CLVS2: variants seen among roughly 807,000 people sequenced by gnomAD.
The protein encoded by CLVS2 is clavesin-2.
In CLVS2, 19 loss-of-function variants were observed where a neutral mutation model predicts 29.0. That is an observed-to-expected ratio of 0.66 (90% CI 0.46 to 0.96). CLVS2 has a LOEUF of 0.96. CLVS2 is among the 40% of genes least tolerant of loss of function. The probability of loss-of-function intolerance (pLI) is 0.00; values close to 1 mark genes in which losing one functional copy is unlikely to be tolerated. For synonymous variants in CLVS2, 161 were observed against 151.3 expected (o/e 1.06, Z -0.47); for missense variants, 294 against 404.1 (o/e 0.73, Z 2.34).
intron 4 of CLVS2, among the ~76,000 whole-genome samples, chr6:123,052,380 T>C (rs1349566164): frequency 6.6e-6 from 1 of 152,148 alleles, no homozygotes; most frequent in East Asian, 1.9e-4. Flanking sequence ...AGGAGATGGG[T>C]TCAAAGAAGT....
At chr6:123,051,701 A>G (rs992387384) in intron 4 of CLVS2, among the ~76,000 whole-genome samples, 10 of 152,176 alleles carry the variant, frequency 6.6e-5, no homozygotes, top group Admixed American at 4.6e-4. Context: ...ACTCCAGATC[A>G]CTTAGCATAA....
intron 2 of CLVS2, among the ~76,000 whole-genome samples, chr6:122,999,804 G>C (rs901018558): frequency 7.2e-5 from 11 of 152,122 alleles, no homozygotes; most frequent in African/African-American, 2.7e-4. Context: ...TATGGGGGCA[G>C]ATTGCATTCA....
Position 123,002,692 on chromosome 6 carries a change from A to G in CLVS2, c.389+4526A>G, listed in dbSNP as rs74520456. ...TGGAGAAATATTTTTACTCTGCAAC[A>G]AAAAAAGCAAAAAAATAAGAAGTTT... On this transcript the variant is annotated intron_variant, in intron 2 of 5. Transcript: ENST00000275162. Among the ~76,000 whole-genome samples the G allele has an allele frequency of 5.5e-3, 832 of 152,262 alleles. 7 individuals carry two copies. Among genetic ancestry groups the G allele is most frequent in the East Asian group, 0.013 (65 of 5,184 alleles).
intron 3 of CLVS2, among the ~76,000 whole-genome samples, chr6:123,028,733 T>A (rs1199966902): frequency 6.6e-6 from 1 of 152,202 alleles, no homozygotes; most frequent in African/African-American, 2.4e-5. Context: ...CTGGAAGCTA[T>A]CTGATATTAT....
chr6:123,049,927 C>T (rs1412540824), intron 4 of CLVS2, among the ~76,000 whole-genome samples: 6 of 152,018 alleles, frequency 3.9e-5, no homozygotes, highest in African/African-American at 1.2e-4. Context: ...TGCACATGTA[C>T]CCTAAAACTT....
chr6:123,067,662 A>G lies in CLVS2; in HGVS notation c.*3901A>G, dbSNP rs1445668667. ...GTACATTTTTTACAACAATAAGCTC[A>G]TAGGCATATATTCCATTGTAGATCT... On this transcript the variant is annotated 3_prime_UTR_variant, in exon 6 of 6. Transcript: ENST00000275162. The G allele has an allele frequency of 6.6e-6, 1 of 151,788 alleles. No homozygotes were observed. The highest frequency in any genetic ancestry group is 2.4e-5 in the African/African-American group (1 of 41,406). The allele number at this position is 151,788 out of a possible 1,614,324, so 9.4% of individuals were successfully genotyped here.
chr6:122,997,544 G>T lies in CLVS2; in HGVS notation c.-234G>T, dbSNP rs1774526329. ...AAAGAGGGAGCCAAAGTAGGGTGTT[G>T]TATTTTAGGGGGCAGAGGAAGAAGT... On this transcript the variant is annotated 5_prime_UTR_variant, in exon 2 of 6. Coordinates refer to ENST00000275162, the MANE Select transcript of CLVS2 (RefSeq NM_001010852.4). 1.7e-6 allele frequency: 1 copy of T among 576,656 alleles called. No homozygotes were observed. 35.7% of individuals were successfully genotyped at this position (576,656 alleles called of 1,614,324 possible).
intron 5 of CLVS2, among the ~76,000 whole-genome samples, chr6:123,056,448 A>G (rs1404696623): frequency 1.3e-5 from 2 of 152,136 alleles, no homozygotes; most frequent in African/African-American, 4.8e-5. Context: ...GACTTTTTTT[A>G]GATTCCACAT....
chr6:123,036,259 G>A (rs1775152476), intron 3 of CLVS2, among the ~76,000 whole-genome samples: 1 of 152,140 alleles, frequency 6.6e-6, no homozygotes, highest in African/African-American at 2.4e-5. Context: ...AACTTCTAGA[G>A]AATAGCTTTG....
intron 3 of CLVS2, among the ~76,000 whole-genome samples, chr6:123,024,344 G>T (rs552126734): frequency 6.6e-6 from 1 of 151,970 alleles, no homozygotes; most frequent in South Asian, 2.1e-4. Context: ...TTCACTTTTG[G>T]GAATGTCACA....
At chr6:123,000,366 A>G (rs1378752205) in intron 2 of CLVS2, among the ~76,000 whole-genome samples, 1 of 152,198 alleles carries the variant, frequency 6.6e-6, no homozygotes, top group Non-Finnish European at 1.5e-5. Context: ...CTAAATCTAC[A>G]TAACCCAATG....
At position 123,065,607 on chromosome 6, in the gene CLVS2, T is replaced by C. The variant is rs952298244; in HGVS notation, c.*1846T>C. The C allele has an allele frequency of 1.3e-5, 2 of 151,920 alleles. No homozygotes were observed. The highest frequency in any genetic ancestry group is 4.8e-5 in the African/African-American group (2 of 41,436). The allele number at this position is 151,920 out of a possible 1,614,324, so 9.4% of individuals were successfully genotyped here. A position where few individuals can be genotyped will look rare whatever the true frequency, so the allele number is the denominator to read the frequency against. Reference sequence around the variant, plus strand: ...ATTGGAATGCACTGGGGACAACATGTCTCAGCAGTTCTTACCTTTATAAGA... The same window carrying C: ...ATTGGAATGCACTGGGGACAACATGCCTCAGCAGTTCTTACCTTTATAAGA... On this transcript the variant is annotated 3_prime_UTR_variant, in exon 6 of 6. Coordinates refer to ENST00000275162, the MANE Select transcript of CLVS2 (RefSeq NM_001010852.4).
At chr6:123,022,966 C>G (rs1271113144) in intron 3 of CLVS2, among the ~76,000 whole-genome samples, 1 of 152,040 alleles carries the variant, frequency 6.6e-6, no homozygotes, top group Non-Finnish European at 1.5e-5. Context: ...AACATCAAAG[C>G]AGGTCCTATT....
intron 3 of CLVS2, among the ~76,000 whole-genome samples, chr6:123,036,716 G>C (rs1459855258): frequency 6.6e-6 from 1 of 152,168 alleles, no homozygotes; most frequent in Non-Finnish European, 1.5e-5. Context: ...TACATGCTGA[G>C]CCCCAGTCTT....
At chr6:123,030,053 G>A (rs114838126) in intron 3 of CLVS2, among the ~76,000 whole-genome samples, 3,672 of 152,298 alleles carry the variant, frequency 0.024, 58 homozygotes, top group African/African-American at 0.048. Context: ...AAAGAGCAAA[G>A]TAAAAACTGC....
intron 3 of CLVS2, among the ~76,000 whole-genome samples, chr6:123,048,127 G>C (rs1474162505): frequency 3.9e-5 from 6 of 151,964 alleles, no homozygotes; most frequent in Non-Finnish European, 1.5e-5. Context: ...TAACTAAGTT[G>C]ATAAAATAAT....
At chr6:123,055,193 G>A (rs1287146719) in intron 4 of CLVS2, among the ~76,000 whole-genome samples, 3 of 152,118 alleles carry the variant, frequency 2.0e-5, no homozygotes, top group African/African-American at 7.2e-5. Context: ...CAACATTACA[G>A]AACATAATGT....
intron 3 of CLVS2, among the ~76,000 whole-genome samples, chr6:123,029,359 A>T (rs1211531615): frequency 6.6e-6 from 1 of 152,200 alleles, no homozygotes; most frequent in Admixed American, 6.5e-5. Flanking sequence ...AGGAAAAGGA[A>T]GTAAAAAGCC....
chr6:123,057,251 T>G (rs986182763), intron 5 of CLVS2, among the ~76,000 whole-genome samples: 1 of 151,714 alleles, frequency 6.6e-6, no homozygotes, highest in Non-Finnish European at 1.5e-5. Context: ...ATGTCTGGCA[T>G]CCTTCTCTGA....
Sources: gnomAD v4.1 joint callset for allele counts (sites outside exome capture counted in the v4.1 genomes callset) on GRCh38, gnomAD v4.1.1 for gene constraint, MANE v1.5 for transcripts, NCBI Gene and HGNC (gene_info 2026-07-23, HGNC 2026-07-21) for gene names.